PDZD2: variants seen among roughly 807,000 people sequenced by gnomAD.
PDZD2 encodes PDZ domain-containing protein 2.
A neutral mutation model predicts 220.7 loss-of-function variants in PDZD2; 90 were observed. The observed-to-expected ratio is 0.41, with a 90% CI of 0.34 to 0.49. The LOEUF (loss-of-function observed/expected upper bound fraction) is 0.49, where lower values mean the gene tolerates loss of function less well. Ranked by LOEUF, PDZD2 falls within the 20% of genes least tolerant of loss-of-function variation. The pLI is 0.28. For missense variants in PDZD2, 3,174 were observed against 3,608.5 expected (o/e 0.88, Z 3.08); for synonymous variants, 1,375 against 1,450.5 (o/e 0.95, Z 1.18).
chr5:31,858,182 C>T (rs959703798), intron 2 of PDZD2, among the ~76,000 whole-genome samples: 3 of 151,866 alleles, frequency 2.0e-5, no homozygotes, highest in African/African-American at 4.8e-5. Flanking sequence ...AGGCTGGTCT[C>T]GAACTCCTGA....
In PDZD2 at chr5:32,077,640, T is replaced by C. The variant is rs775013944; in HGVS notation, c.3682+34T>C. The stretch of plus-strand genomic sequence containing the variant: ...ATTTTCCCATTTGTTAATCTTAAAG[T>C]AGGTGGGGAGATACCCTAATGAAAG... On this transcript the variant is annotated intron_variant, in intron 19 of 24. Coordinates refer to ENST00000438447, the MANE Select transcript of PDZD2 (RefSeq NM_178140.4). The C allele has an allele frequency of 5.0e-6, 8 of 1,607,120 alleles. No individual in the cohort carries two copies. In the Admixed American group the frequency reaches 1.0e-4, roughly 20 times the overall value.
At chr5:31,729,470 G>A (rs1245806071) in intron 1 of PDZD2, among the ~76,000 whole-genome samples, 1 of 152,152 alleles carries the variant, frequency 6.6e-6, no homozygotes, top group East Asian at 1.9e-4. Flanking sequence ...TTTACAGATG[G>A]AAAAGTGAGA....
chr5:31,954,903 C>T (rs902261392), intron 2 of PDZD2, among the ~76,000 whole-genome samples: 8 of 152,092 alleles, frequency 5.3e-5, no homozygotes, highest in African/African-American at 1.4e-4. Flanking sequence ...CGCCATTGCA[C>T]TCCAGCCTGG....
intron 5 of PDZD2, among the ~76,000 whole-genome samples, chr5:32,004,611 TC>T (rs1300974570): frequency 1.3e-5 from 2 of 151,930 alleles, no homozygotes; most frequent in Non-Finnish European, 2.9e-5. Context: ...AACAAACAAA[TC>T]CCAGTGGTTA....
chr5:31,995,711 G>A lies in PDZD2; in HGVS notation c.1114G>A (p.Ala372Thr), dbSNP rs1352596877. 1.2e-6 allele frequency: 2 copies of A among 1,613,244 alleles called. No homozygotes were observed. Among genetic ancestry groups the A allele is most frequent in the Non-Finnish European group, 1.7e-6 (2 of 1,179,856 alleles). The change falls in exon 4 of 25, where the codon GCT becomes ACT. Residue 372 changes from alanine (A) to threonine (T), a missense_variant. By Grantham distance (58) the Ala-to-Thr change is moderately conservative (BLOSUM62 0). Coordinates refer to ENST00000438447, the MANE Select transcript of PDZD2 (RefSeq NM_178140.4). ...VVTQVKEGGA[A>T]HRDGRLSLGD... The stretch of plus-strand genomic sequence containing the variant: ...CACTCAAGTGAAGGAAGGAGGTGCC[G>A]CTCACAGGTGACTAGATAACTCTCC...
intron 2 of PDZD2, among the ~76,000 whole-genome samples, chr5:31,901,994 A>G (rs1295048674): frequency 6.6e-6 from 1 of 152,176 alleles, no homozygotes; most frequent in Non-Finnish European, 1.5e-5. Flanking sequence ...CAGGTGATCG[A>G]TATTGGGGTT....
chr5:31,750,055 C>G (rs1750852633), intron 1 of PDZD2, among the ~76,000 whole-genome samples: 2 of 152,306 alleles, frequency 1.3e-5, no homozygotes, highest in South Asian at 4.1e-4. Context: ...AAACAATCAG[C>G]CCTTTGAAGC....
chr5:31,911,173 T>C (rs1743171492), intron 2 of PDZD2, among the ~76,000 whole-genome samples: 1 of 152,196 alleles, frequency 6.6e-6, no homozygotes, highest in African/African-American at 2.4e-5. Context: ...CCAAATCAAT[T>C]TGTGATGATT....
chr5:31,889,946 C>CGG (rs1290158913), intron 2 of PDZD2, among the ~76,000 whole-genome samples: 1 of 151,556 alleles, frequency 6.6e-6, no homozygotes, highest in Non-Finnish European at 1.5e-5. Flanking sequence ...TGCTTGAACC[C>CGG]GGGGGGGCAG....
chr5:31,690,886 C>CATGATG (rs532555549), intron 1 of PDZD2, among the ~76,000 whole-genome samples: 2 of 152,014 alleles, frequency 1.3e-5, no homozygotes, highest in Non-Finnish European at 2.9e-5. Context: ...GAATGCTACC[C>CATGATG]ATGATGATGA....
chr5:32,110,352 C>T lies in PDZD2; in HGVS notation c.*2217C>T, dbSNP rs1364896457. On this transcript the variant is annotated 3_prime_UTR_variant, in exon 25 of 25. Coordinates refer to ENST00000438447, the MANE Select transcript of PDZD2 (RefSeq NM_178140.4). The stretch of plus-strand genomic sequence containing the variant: ...CTAAAGTCATCAGCCACTGCTACTA[C>T]ATCTTGCCAGAAGGTTTCCCTCGCC... The T allele has an allele frequency of 6.6e-6, 1 of 152,652 alleles. No individual in the cohort carries two copies. The highest frequency in any genetic ancestry group is 1.5e-5 in the Non-Finnish European group (1 of 68,052). 9.5% of individuals were successfully genotyped at this position (152,652 alleles called of 1,614,324 possible).
At chr5:31,832,912 G>A (rs1156885462) in intron 2 of PDZD2, among the ~76,000 whole-genome samples, 6 of 149,062 alleles carry the variant, frequency 4.0e-5, no homozygotes, top group Non-Finnish European at 9.0e-5. Flanking sequence ...GGAAAAGTTT[G>A]GGGTCACAGG....
intron 5 of PDZD2, among the ~76,000 whole-genome samples, chr5:32,002,052 C>T (rs758315009): frequency 2.6e-5 from 4 of 152,196 alleles, no homozygotes; most frequent in African/African-American, 9.6e-5. Context: ...TCATAGGTCT[C>T]TTTATATTTT....
intron 14 of PDZD2, among the ~76,000 whole-genome samples, chr5:32,063,027 A>ATATTATTAT (rs147802513): frequency 0.057 from 8,145 of 142,228 alleles, 317 homozygotes; most frequent in East Asian, 0.16. Context: ...TGAGAATGAA[A>ATATTATTAT]TATTATTATT....
Position 32,010,419 on chromosome 5 carries a change from T to C in PDZD2, c.1344T>C (p.Asp448=), listed in dbSNP as rs758622948. The stretch of plus-strand genomic sequence containing the variant: ...TAGAAGATGTGTCCTCCTGGACTGA[T>C]AACGAAGACCAGGAGGCAGACGGGG... ...SSVEDVSSWT[D]NEDQEADGEE... The change falls in exon 6 of 25, where the codon GAT becomes GAC. Residue 448 remains aspartate, a synonymous_variant. Transcript: ENST00000438447. The C allele has an allele frequency of 9.3e-6, 15 of 1,610,398 alleles. 1 individual carries two copies. The Admixed American group carries it at 1.8e-4, about 20-fold the overall frequency.
At chr5:32,033,765 A>C (rs548160914) in intron 6 of PDZD2, among the ~76,000 whole-genome samples, 2 of 151,968 alleles carry the variant, frequency 1.3e-5, no homozygotes, top group African/African-American at 2.4e-5. Flanking sequence ...GACTACAGGC[A>C]CTCACCACCA....
At chr5:31,715,121 G>A (rs576158201) in intron 1 of PDZD2, among the ~76,000 whole-genome samples, 5 of 151,882 alleles carry the variant, frequency 3.3e-5, no homozygotes, top group African/African-American at 7.3e-5. Context: ...TGGTCCATGG[G>A]TTGATAGGGC....
intron 2 of PDZD2, among the ~76,000 whole-genome samples, chr5:31,830,708 A>G (rs1188722866): frequency 6.6e-6 from 1 of 152,114 alleles, no homozygotes; most frequent in African/African-American, 2.4e-5. Context: ...TCATCCACAT[A>G]AAAAGGGAAG....
Position 31,721,782 on chromosome 5 carries a change from T to G in PDZD2, c.-360-77107T>G, listed in dbSNP as rs976379640. Reference sequence around the variant, plus strand: ...TCTTAGCAGTGCCTTGCAGTTGTGTTTGGTCAATAAATATTTATTAATAAT... The same window carrying G: ...TCTTAGCAGTGCCTTGCAGTTGTGTGTGGTCAATAAATATTTATTAATAAT... On this transcript the variant is annotated intron_variant, in intron 1 of 24. Transcript: ENST00000438447. Among the ~76,000 whole-genome samples, 3 of 151,830 alleles carry G rather than the reference T, an allele frequency of 2.0e-5. No homozygotes were observed. The East Asian group carries it at 5.8e-4, about 29-fold the overall frequency.
Sources: gnomAD v4.1 joint callset for allele counts (sites outside exome capture counted in the v4.1 genomes callset) on GRCh38, gnomAD v4.1.1 for gene constraint, MANE v1.5 for transcripts, NCBI Gene and HGNC (gene_info 2026-07-23, HGNC 2026-07-21) for gene names.